The following KSR2 variants were observed in gnomAD, a reference collection of about 807,000 sequenced individuals.
KSR2 encodes the protein kinase suppressor of ras 2.
A neutral mutation model predicts 107.8 loss-of-function variants in KSR2; 25 were observed. The ratio of observed to expected loss-of-function variants is 0.23; its 90% confidence interval spans 0.17 to 0.32. The LOEUF (loss-of-function observed/expected upper bound fraction) is 0.32. KSR2 is among the 10% of genes least tolerant of loss of function. The probability of loss-of-function intolerance (pLI) is 1.00; values close to 1 mark genes in which losing one functional copy is unlikely to be tolerated. For synonymous variants in KSR2, 480 were observed against 507.0 expected (o/e 0.95, Z 0.71); for missense variants, 887 against 1,268.9 (o/e 0.70, Z 4.57).
At chr12:117,590,360 G>A (rs890380507) in intron 5 of KSR2, among the ~76,000 whole-genome samples, 4 of 152,174 alleles carry the variant, frequency 2.6e-5, no homozygotes, top group East Asian at 1.9e-4. Flanking sequence ...GGGCTTTGAC[G>A]TGAGCACACC....
intron 5 of KSR2, among the ~76,000 whole-genome samples, chr12:117,599,366 T>C (rs1361156854): frequency 6.6e-6 from 1 of 152,238 alleles, no homozygotes; most frequent in African/African-American, 2.4e-5. Flanking sequence ...GGATAGGTTG[T>C]TAATACGTCA....
chr12:117,611,890 A>G (rs1431145036), intron 5 of KSR2, among the ~76,000 whole-genome samples: 3 of 152,212 alleles, frequency 2.0e-5, no homozygotes, highest in African/African-American at 7.2e-5. Context: ...GTATGATTCC[A>G]CTCAAATGAG....
intron 1 of KSR2, among the ~76,000 whole-genome samples, chr12:117,941,505 G>A (rs1896005116): frequency 6.6e-6 from 1 of 151,304 alleles, no homozygotes; most frequent in Non-Finnish European, 1.5e-5. Flanking sequence ...ATCAGTTGAT[G>A]CACAGATGTA....
At chr12:117,542,427 A>T (rs929176186) in intron 9 of KSR2, among the ~76,000 whole-genome samples, 1 of 93,958 alleles carries the variant, frequency 1.1e-5, no homozygotes, top group Non-Finnish European at 2.4e-5. Flanking sequence ...TCCCTTACTC[A>T]GTTTTCTCTA....
In KSR2 at chr12:117,467,914, C is replaced by CTGGTA. The variant is rs1566119392; in HGVS notation, c.2847-710_2847-709insTACCA. 5.8e-5 allele frequency: 12 copies of CTGGTA among 206,444 alleles called. No individual in the cohort carries two copies. The African/African-American group carries it at 1.3e-3, about 22-fold the overall frequency. The allele number at this position is 206,444 out of a possible 1,614,324, so 12.8% of individuals were successfully genotyped here. On this transcript the variant is annotated intron_variant, in intron 19 of 19. Coordinates refer to ENST00000339824, the MANE Select transcript of KSR2 (RefSeq NM_173598.6). ...GCATCCTATTCTGCTAGACCACAGT[C>CTGGTA]CTGTGTTTTTTTTTTTTTTTTCCAG...
At chr12:117,522,922 A>C (rs564469274) in intron 14 of KSR2, among the ~76,000 whole-genome samples, 1 of 152,272 alleles carries the variant, frequency 6.6e-6, no homozygotes, top group Admixed American at 6.5e-5. Context: ...GAAACCACTA[A>C]GTTGTGGAGT....
chr12:117,968,912 TGCC>T lies in KSR2; in HGVS notation c.-660_-658del. 1.4e-4 allele frequency: 37 copies of T among 255,536 alleles called. No homozygotes were observed. Among genetic ancestry groups the T allele is most frequent in the South Asian group, 2.8e-4 (8 of 28,188 alleles). The allele number at this position is 255,536 out of a possible 1,614,324, so 15.8% of individuals were successfully genotyped here. Reference sequence around the variant, plus strand: ...CCCGCGCTGCTGCTGCTGCTGCTGCTGCCGCCGCCGGGCTCCGGGGGTGACGGT... The same window carrying T: ...CCCGCGCTGCTGCTGCTGCTGCTGCTGCCGCCGGGCTCCGGGGGTGACGGT... On this transcript the variant is annotated 5_prime_UTR_variant, in exon 1 of 20. Coordinates refer to ENST00000339824, the MANE Select transcript of KSR2 (RefSeq NM_173598.6).
chr12:117,800,491 G>T (rs1303333017), intron 3 of KSR2, among the ~76,000 whole-genome samples: 1 of 152,186 alleles, frequency 6.6e-6, no homozygotes, highest in East Asian at 1.9e-4. Context: ...CTACTCAGCT[G>T]GAGAAAAGCA....
In KSR2 at chr12:117,556,412, C is replaced by A. The variant is rs947917589; in HGVS notation, c.1394-1119G>T. Among the ~76,000 whole-genome samples the A allele has an allele frequency of 1.6e-4, 25 of 152,238 alleles. No individual in the cohort carries two copies. The South Asian group carries it at 2.5e-3, about 15-fold the overall frequency. ...GGTGAGAATTCAGGTTTTAAGATAG[C>A]CTCATTGAGTGTATACAGTTATTCA... On this transcript the variant is annotated intron_variant, in intron 8 of 19. Coordinates refer to ENST00000339824, the MANE Select transcript of KSR2 (RefSeq NM_173598.6).
At chr12:117,740,473 T>C (rs1888148851) in intron 4 of KSR2, among the ~76,000 whole-genome samples, 1 of 124,922 alleles carries the variant, frequency 8.0e-6, no homozygotes, top group South Asian at 2.5e-4. Flanking sequence ...TTATATGTAA[T>C]ATATAACATA....
chr12:117,748,570 ATTAT>A (rs1271853536), intron 4 of KSR2, among the ~76,000 whole-genome samples: 9 of 123,630 alleles, frequency 7.3e-5, no homozygotes, highest in Admixed American at 5.0e-4. Flanking sequence ...ATGTACAGTT[ATTAT>A]TTGTCAATTA....
intron 3 of KSR2, among the ~76,000 whole-genome samples, chr12:117,818,383 G>A (rs1891450022): frequency 1.3e-5 from 2 of 152,154 alleles, no homozygotes; most frequent in African/African-American, 2.4e-5. Context: ...GTGTGCCCTA[G>A]GGCACATGGC....
rs117130947 is a variant in KSR2 at position 117,778,089 on chromosome 12, T to C, written c.473-16565A>G. On this transcript the variant is annotated intron_variant, in intron 3 of 19. Transcript: ENST00000339824. ...TCTCAATGCACAAATTATATGTTGC[T>C]TTAATAAATATTTGTGGAATGAAAC... Among the ~76,000 whole-genome samples the C allele has an allele frequency of 9.5e-3, 1,442 of 152,330 alleles. 15 individuals are homozygous for C. Among genetic ancestry groups the C allele is most frequent in the Non-Finnish European group, 0.015 (1,044 of 68,026 alleles).
intron 5 of KSR2, among the ~76,000 whole-genome samples, chr12:117,613,424 G>A (rs1011067924): frequency 1.3e-5 from 2 of 152,128 alleles, no homozygotes; most frequent in Non-Finnish European, 2.9e-5. Context: ...TTGTCACCCT[G>A]CACCCCAACT....
At chr12:117,625,871 A>T (rs753515464) in intron 5 of KSR2, among the ~76,000 whole-genome samples, 1 of 152,168 alleles carries the variant, frequency 6.6e-6, no homozygotes, top group Non-Finnish European at 1.5e-5. Flanking sequence ...TTATTGCCTC[A>T]ATTTCAGAGC....
rs139230515 is a variant in KSR2 at position 117,870,372 on chromosome 12, G to A, written c.181-9941C>T. Among the ~76,000 whole-genome samples the A allele has an allele frequency of 3.5e-3, 530 of 152,220 alleles. 2 individuals are homozygous for A. The highest frequency in any genetic ancestry group is 0.012 in the African/African-American group (504 of 41,534). On this transcript the variant is annotated intron_variant, in intron 1 of 19. Coordinates refer to ENST00000339824, the MANE Select transcript of KSR2 (RefSeq NM_173598.6). ...TCTCAACACTTTAGGAGACAGAGGC[G>A]GGTGGATCACCTGAGGTCAGGAGTT...
intron 14 of KSR2, among the ~76,000 whole-genome samples, chr12:117,503,936 C>T (rs1258521042): frequency 6.6e-6 from 1 of 152,130 alleles, no homozygotes; most frequent in Admixed American, 6.5e-5. Context: ...TTGTATTTTC[C>T]TTTGTGTTGA....
intron 1 of KSR2, among the ~76,000 whole-genome samples, chr12:117,929,486 T>G (rs1041522872): frequency 2.6e-5 from 4 of 152,360 alleles, no homozygotes; most frequent in Non-Finnish European, 4.4e-5. Flanking sequence ...CACATGGAAC[T>G]GTGAGTCCAT....
chr12:117,453,800 A>G lies in KSR2; in HGVS notation c.*13399T>C, dbSNP rs1432934497. 2.6e-5 allele frequency: 4 copies of G among 152,196 alleles called. No individual in the cohort carries two copies. The highest frequency in any genetic ancestry group is 4.4e-5 in the Non-Finnish European group (3 of 68,040). The allele number at this position is 152,196 out of a possible 1,614,324, so 9.4% of individuals were successfully genotyped here. On this transcript the variant is annotated 3_prime_UTR_variant, in exon 20 of 20. Coordinates refer to ENST00000339824, the MANE Select transcript of KSR2 (RefSeq NM_173598.6). The stretch of plus-strand genomic sequence containing the variant: ...TCTCTGCCTGGTCCAGGTATGGTCA[A>G]GGGCACAGATGTAATGTGACTTGCC...
Sources: gnomAD v4.1 joint callset for allele counts (sites outside exome capture counted in the v4.1 genomes callset) on GRCh38, gnomAD v4.1.1 for gene constraint, MANE v1.5 for transcripts, NCBI Gene and HGNC (gene_info 2026-07-23, HGNC 2026-07-21) for gene names.